The following MOSMO variants were observed in gnomAD, a reference collection of about 807,000 sequenced individuals.
MOSMO encodes the protein modulator of smoothened protein.
In MOSMO, 5 loss-of-function variants were observed where a neutral mutation model predicts 18.4. The observed-to-expected ratio is 0.27, with a 90% CI of 0.14 to 0.57. MOSMO has a LOEUF of 0.57. Among genes scored for constraint, MOSMO ranks in the 20% least tolerant of loss-of-function variants. The pLI is 0.92. For synonymous variants in MOSMO, 82 were observed against 82.3 expected, an observed-to-expected ratio of 1.00 and a Z score of 0.02; for missense variants, 138 against 211.8, an observed-to-expected ratio of 0.65 and a Z score of 2.16.
intron 1 of MOSMO, among the ~76,000 whole-genome samples, chr16:22,065,253 A>G (rs763414476): frequency 2.6e-5 from 4 of 152,328 alleles, no homozygotes; most frequent in Non-Finnish European, 5.9e-5. Flanking sequence ...ATCGGGATAG[A>G]GGGAACAGCC....
chr16:22,047,495 C>T (rs1020445388), intron 1 of MOSMO, among the ~76,000 whole-genome samples: 8 of 152,052 alleles, frequency 5.3e-5, no homozygotes, highest in Admixed American at 2.0e-4. Context: ...CCGCCCGCCT[C>T]GGCCTCCCAA....
intron 1 of MOSMO, among the ~76,000 whole-genome samples, chr16:22,025,520 G>A (rs1899858056): frequency 6.6e-6 from 1 of 151,988 alleles, no homozygotes. Context: ...TCTTACTGTT[G>A]AAAAAAGTAA....
intron 1 of MOSMO, among the ~76,000 whole-genome samples, chr16:22,073,105 G>A (rs1900891671): frequency 6.6e-6 from 1 of 152,156 alleles, no homozygotes; most frequent in African/African-American, 2.4e-5. Context: ...ACAGGCACAG[G>A]AGGTTAAGTT....
intron 1 of MOSMO, among the ~76,000 whole-genome samples, chr16:22,022,149 T>C (rs1265788024): frequency 6.6e-6 from 1 of 152,052 alleles, no homozygotes; most frequent in Admixed American, 6.6e-5. Context: ...TAAAGTAGGA[T>C]ATATCATTGT....
In MOSMO at chr16:22,081,988, T is replaced by G. The variant is rs1315317086; in HGVS notation, c.*1108T>G. 1.3e-5 allele frequency: 2 copies of G among 152,194 alleles called. No individual in the cohort carries two copies. Among genetic ancestry groups the G allele is most frequent in the Non-Finnish European group, 2.9e-5 (2 of 68,032 alleles). 9.4% of individuals were successfully genotyped at this position (152,194 alleles called of 1,614,324 possible). On this transcript the variant is annotated 3_prime_UTR_variant, in exon 3 of 3. Transcript: ENST00000542527. ...TTGGGGAATCTGACACTATTTAAATTATTGGCAACTGTTGTCTGTTGTACA... is the reference window on the plus strand; with the variant it reads ...TTGGGGAATCTGACACTATTTAAATGATTGGCAACTGTTGTCTGTTGTACA...
At chr16:22,036,759 G>C (rs1202206016) in intron 1 of MOSMO, among the ~76,000 whole-genome samples, 1 of 152,096 alleles carries the variant, frequency 6.6e-6, no homozygotes, top group Non-Finnish European at 1.5e-5. Context: ...CACAAATTTA[G>C]TGTTTAACAA....
intron 1 of MOSMO, among the ~76,000 whole-genome samples, chr16:22,020,239 G>A (rs1899729342): frequency 2.0e-5 from 3 of 146,914 alleles, no homozygotes; most frequent in African/African-American, 7.5e-5. Flanking sequence ...GTATCAGTTG[G>A]TTTTTATTTA....
At chr16:22,013,830 T>C (rs1339666021) in intron 1 of MOSMO, among the ~76,000 whole-genome samples, 2 of 151,884 alleles carry the variant, frequency 1.3e-5, no homozygotes, top group Non-Finnish European at 2.9e-5. Flanking sequence ...TTTCTGAAGA[T>C]ATTTTCATTC....
chr16:22,018,623 T>A (rs962217884), intron 1 of MOSMO, among the ~76,000 whole-genome samples: 3 of 152,200 alleles, frequency 2.0e-5, no homozygotes, highest in Non-Finnish European at 2.9e-5. Context: ...CTGTAAGGAA[T>A]CTGTACTGAA....
Position 22,080,736 on chromosome 16 carries a change from A to G in MOSMO, c.360A>G (p.Gly120=). Reference sequence around the variant, plus strand: ...TGGCTGCCCTAATATTTCCAATAGGATTTTACATCAATGAAGTCGGAGGTC... The same window carrying G: ...TGGCTGCCCTAATATTTCCAATAGGGTTTTACATCAATGAAGTCGGAGGTC... ...FCMAALIFPI[G]FYINEVGGQP... The change falls in exon 3 of 3, where the codon GGA becomes GGG. Residue 120 remains glycine, a synonymous_variant. Transcript: ENST00000542527. 1 of 1,502,976 alleles carries G rather than the reference A, an allele frequency of 6.7e-7. No individual in the cohort carries two copies. The highest frequency in any genetic ancestry group is 8.8e-7 in the Non-Finnish European group (1 of 1,133,616). 93.1% of individuals were successfully genotyped at this position (1,502,976 alleles called of 1,614,324 possible). A position where few individuals can be genotyped will look rare whatever the true frequency, so the allele number is the denominator to read the frequency against.
At chr16:22,020,381 G>A (rs551885168) in intron 1 of MOSMO, among the ~76,000 whole-genome samples, 56 of 136,876 alleles carry the variant, frequency 4.1e-4, no homozygotes, top group African/African-American at 1.4e-3. Flanking sequence ...TGCAACCTCC[G>A]CCTCCCGGGT....
chr16:22,052,917 G>A (rs1287448384), intron 1 of MOSMO, among the ~76,000 whole-genome samples: 2 of 150,686 alleles, frequency 1.3e-5, no homozygotes, highest in African/African-American at 4.9e-5. Context: ...GCACATGGGG[G>A]ATTCAAAAAG....
chr16:22,009,476 C>T (rs1034081237), intron 1 of MOSMO, among the ~76,000 whole-genome samples: 6 of 152,010 alleles, frequency 3.9e-5, no homozygotes, highest in South Asian at 2.1e-4. Context: ...CCTCTTCTCC[C>T]TCCCCTCTTC....
chr16:22,060,256 G>A (rs1474306848), intron 1 of MOSMO, among the ~76,000 whole-genome samples: 1 of 152,146 alleles, frequency 6.6e-6, no homozygotes, highest in Admixed American at 6.5e-5. Flanking sequence ...TTAAAAGCAA[G>A]GCTATGGGGG....
intron 1 of MOSMO, among the ~76,000 whole-genome samples, chr16:22,030,594 T>C (rs981122367): frequency 6.6e-6 from 1 of 152,198 alleles, no homozygotes; most frequent in Non-Finnish European, 1.5e-5. Context: ...TGGATTGAAG[T>C]GGCGCAATCT....
intron 2 of MOSMO, among the ~76,000 whole-genome samples, chr16:22,079,193 G>A (rs1464520128): frequency 2.0e-5 from 3 of 152,124 alleles, no homozygotes; most frequent in African/African-American, 4.8e-5. Flanking sequence ...ATGTAGAGAC[G>A]AGTGTCAGCT....
rs1901100724 is a variant in MOSMO at position 22,082,475 on chromosome 16, T to G, written c.*1595T>G. 1 of 152,172 alleles carries G rather than the reference T, an allele frequency of 6.6e-6. No homozygotes were observed. Among genetic ancestry groups the G allele is most frequent in the African/African-American group, 2.4e-5 (1 of 41,420 alleles). 9.4% of individuals were successfully genotyped at this position (152,172 alleles called of 1,614,324 possible). On this transcript the variant is annotated 3_prime_UTR_variant, in exon 3 of 3. Transcript: ENST00000542527. ...TGGCAGTGGAGCTAAGTTTCTCCTC[T>G]TTATAGTGAACTGGTGACCCAAATG...
At chr16:22,078,331 G>A (rs527314223) in intron 2 of MOSMO, among the ~76,000 whole-genome samples, 2 of 152,106 alleles carry the variant, frequency 1.3e-5, no homozygotes, top group Non-Finnish European at 2.9e-5. Flanking sequence ...GTTCACAATA[G>A]CTTAAAAGAA....
rs1005246030 is a variant in MOSMO, at chr16:22,083,604, G to A, written c.*2724G>A. The A allele has an allele frequency of 2.0e-5, 9 of 447,524 alleles. No individual in the cohort carries two copies. Among genetic ancestry groups the A allele is most frequent in the African/African-American group, 1.6e-4 (8 of 49,430 alleles). The allele number at this position is 447,524 out of a possible 1,614,324, so 27.7% of individuals were successfully genotyped here. On this transcript the variant is annotated 3_prime_UTR_variant, in exon 3 of 3. Coordinates refer to ENST00000542527, the MANE Select transcript of MOSMO (RefSeq NM_001164579.2). The stretch of plus-strand genomic sequence containing the variant: ...AATTTATAGCAGGAAATCGTATCTT[G>A]TAAACTGTATATAAAACACTGTTTT...
Sources: gnomAD v4.1 joint callset for allele counts (sites outside exome capture counted in the v4.1 genomes callset) on GRCh38, gnomAD v4.1.1 for gene constraint, MANE v1.5 for transcripts, NCBI Gene and HGNC (gene_info 2026-07-23, HGNC 2026-07-21) for gene names.